Variants in RTEL1 observed in about 807,000 individuals in gnomAD.
RTEL1 encodes the protein regulator of telomere length.
RTEL1 carries 86 observed loss-of-function variants against 162.2 expected under a neutral mutation model. That is an observed-to-expected ratio of 0.53 (90% CI 0.45 to 0.63). The LOEUF (loss-of-function observed/expected upper bound fraction) is 0.63, where lower values mean the gene tolerates loss of function less well. Among genes scored for constraint, RTEL1 ranks in the 30% least tolerant of loss-of-function variants. The pLI, the probability that RTEL1 is intolerant of heterozygous loss-of-function variation, is 0.00. For synonymous variants in RTEL1, 958 were observed against 717.9 expected, an observed-to-expected ratio of 1.33 and a Z score of -5.35; for missense variants, 1,941 against 1,750.2, an observed-to-expected ratio of 1.11 and a Z score of -1.95.
Position 63,690,378 on chromosome 20 carries a change from T to C in RTEL1, c.2350T>C (p.Phe784Leu), listed in dbSNP as rs750968619. The change falls in exon 26 of 35, where the codon TTC (phenylalanine) becomes CTC (leucine). Residue 784 changes from phenylalanine (F) to leucine (L), a missense_variant. Coordinates refer to ENST00000360203, the MANE Select transcript of RTEL1 (RefSeq NM_001283009.2). Reference sequence around the variant, plus strand: ...CGAGGCCAAGTCGCCTGGCCCCTTCTTCTCCACCAGGAAAGCTAAGAGTCT... The same window carrying C: ...CGAGGCCAAGTCGCCTGGCCCCTTCCTCTCCACCAGGAAAGCTAAGAGTCT... ...VSEAKSPGPF[F>L]STRKAKSLDL... 2.5e-6 allele frequency: 4 copies of C among 1,611,642 alleles called. No individual in the cohort carries two copies. In the South Asian group the frequency reaches 4.4e-5, roughly 18 times the overall value.
chr20:63,667,622 T>C, intron 8 of RTEL1, 69 bp downstream of exon 8: 2 of 1,286,348 alleles, frequency 1.6e-6, no homozygotes, highest in Non-Finnish European at 2.3e-6. Context: ...GGAACAGCTG[T>C]CCGAGCCTTT....
intron 10 of RTEL1, 141 bp downstream of exon 10, chr20:63,674,234 G>A: frequency 1.4e-6 from 2 of 1,421,314 alleles, no homozygotes; most frequent in Non-Finnish European, 1.9e-6. Flanking sequence ...CTACTGCAGT[G>A]GGCAGCCTGC....
In RTEL1 at chr20:63,695,591, T is replaced by A. The variant is rs888771629; in HGVS notation, c.3763T>A (p.Phe1255Ile). ...CTGTGGGGCAGAGGACGTGGTGCCC[T>A]TCCAGTGCCCTGCCTGTGACTTCCA... is the stretch of plus-strand genomic sequence containing the variant. ...QGCGAEDVVP[F>I]QCPACDFQRC... The change falls in exon 34 of 35, where the codon TTC becomes ATC. Residue 1255 changes from phenylalanine to isoleucine, a missense_variant. Transcript: ENST00000360203. 1.9e-6 allele frequency: 3 copies of A among 1,611,954 alleles called. No individual in the cohort carries two copies. The highest frequency in any genetic ancestry group is 2.5e-6 in the Non-Finnish European group (3 of 1,179,902).
intron 13 of RTEL1, 138 bp from the exon 14 acceptor site, chr20:63,680,526 G>A (rs1023682644): frequency 1.8e-5 from 15 of 852,768 alleles, no homozygotes; most frequent in Middle Eastern, 3.5e-4. Flanking sequence ...TGGATGCTGC[G>A]CTCCACCCTG....
rs1430456073 is a variant in RTEL1, at chr20:63,688,284, G to A, written c.1637-17G>A. ...GACATCCTGCCCCTGCCTTGACCCC[G>A]GCCCCTGCACTTCCAGGCAACATCG... On this transcript the variant is annotated splice_polypyrimidine_tract_variant and intron_variant, in intron 19 of 34. Transcript: ENST00000360203. The A allele has an allele frequency of 3.1e-6, 5 of 1,611,170 alleles. No homozygotes were observed. Among genetic ancestry groups the A allele is most frequent in the South Asian group, 1.1e-5 (1 of 91,062 alleles).
chr20:63,685,486 A>T (rs2090572025), intron 14 of RTEL1, 37 bp from the exon 15 acceptor site: 1 of 1,603,368 alleles, frequency 6.2e-7, no homozygotes, highest in African/African-American at 1.3e-5. Context: ...GGGTGGCCTC[A>T]GGCTCCTGAC....
chr20:63,695,301 C>G, intron 33 of RTEL1, 27 bp from the exon 34 acceptor site: 1 of 1,581,258 alleles, frequency 6.3e-7, no homozygotes, highest in South Asian at 1.1e-5. Context: ...CCCCAGGCCC[C>G]CCTCAGACTC....
chr20:63,693,618 TCCA>T (rs1568721213), intron 30 of RTEL1, among the ~76,000 whole-genome samples: 223 of 1,890 alleles, frequency 0.12, 2 homozygotes, highest in Non-Finnish European at 0.14. Flanking sequence ...CACCTCCACC[TCCA>T]CCACCACCTC....
chr20:63,674,910 CTTT>C (rs935691389), intron 10 of RTEL1, among the ~76,000 whole-genome samples: 3 of 142,522 alleles, frequency 2.1e-5, no homozygotes, highest in Admixed American at 7.0e-5. Context: ...TATTTTCTTT[CTTT>C]TTTTTTTTTT....
Position 63,661,736 on chromosome 20 carries a change from G to A in RTEL1, c.302-114G>A. The A allele has an allele frequency of 2.0e-6, 2 of 989,698 alleles. No individual in the cohort carries two copies. Among genetic ancestry groups the A allele is most frequent in the East Asian group, 2.5e-5 (1 of 39,762 alleles). The allele number at this position is 989,698 out of a possible 1,614,324, so 61.3% of individuals were successfully genotyped here. ...CCATTTTTGATAAACCAGTATCTGG[G>A]GTGTCAGATTCTTGGCTGTCTGCAG... On this transcript the variant is annotated intron_variant, in intron 3 of 34. Coordinates refer to ENST00000360203, the MANE Select transcript of RTEL1 (RefSeq NM_001283009.2). The surrounding 1 kb of genome is among the most constrained non-coding windows in gnomAD (Gnocchi z 5.1).
Position 63,690,903 on chromosome 20 carries a change from C to G in RTEL1, c.2512C>G (p.Leu838Val), listed in dbSNP as rs996529824. The G allele has an allele frequency of 3.2e-6, 5 of 1,579,708 alleles. No individual in the cohort carries two copies. In the African/African-American group the frequency reaches 4.0e-5, roughly 13 times the overall value. Residue 838 changes from leucine (L) to valine (V), a missense_variant, in exon 27 of 35, where the codon CTG becomes GTG. Leu to Val is a conservative substitution (Grantham distance 32, BLOSUM62 1). Transcript: ENST00000360203. ...RQRPRGLLAA[L>V]EHSEQRAGSP... ...GAGGCCCAGGGGGCTGCTGGCCGCC[C>G]TGGAGCACAGCGAACAGCGGGCGGG...
At chr20:63,671,628 C>T (rs1347911387) in intron 8 of RTEL1, among the ~76,000 whole-genome samples, 3 of 151,092 alleles carry the variant, frequency 2.0e-5, no homozygotes, top group Admixed American at 6.6e-5. Flanking sequence ...ACTACAGGCG[C>T]CCGCCACCAC....
intron 7 of RTEL1, 46 bp from the exon 8 acceptor site, chr20:63,667,423 C>A (rs1359192958): frequency 6.7e-7 from 1 of 1,481,558 alleles, no homozygotes; most frequent in Admixed American, 1.7e-5. Context: ...GGGGCACCGT[C>A]CCCTGCATGG....
chr20:63,674,082 C>A lies in RTEL1; in HGVS notation c.908C>A (p.Ser303Tyr). 1.2e-6 allele frequency: 2 copies of A among 1,610,746 alleles called. No individual in the cohort carries two copies. The highest frequency in any genetic ancestry group is 1.7e-6 in the Non-Finnish European group (2 of 1,178,894). Residue 303 changes from serine to tyrosine, a missense_variant, in exon 10 of 35, where the codon TCC (serine) becomes TAC (tyrosine). Physicochemically the swap from Ser to Tyr is moderately radical, Grantham distance 144 (BLOSUM62 -2). Coordinates refer to ENST00000360203, the MANE Select transcript of RTEL1 (RefSeq NM_001283009.2). ...GEPHPEFSAD[S>Y]PSPGLNMELE... ...CCCCACCCGGAGTTCAGCGCGGACTCCCCCAGCCCAGGTGCGTTCATAGCC... is the reference window on the plus strand; with the variant it reads ...CCCCACCCGGAGTTCAGCGCGGACTACCCCAGCCCAGGTGCGTTCATAGCC...
upstream of RTEL1, chr20:63,658,170 T>G (rs1385272429): frequency 6.6e-6 from 1 of 152,212 alleles, no homozygotes; most frequent in African/African-American, 2.4e-5. Flanking sequence ...GCGATGGAAG[T>G]GAGGTTCACT....
In RTEL1 at chr20:63,694,813, G is replaced by T. The variant is rs1167219600; in HGVS notation, c.3182G>T (p.Ser1061Ile). ...RAGKQGQHAV[S>I]AYLADARRAL... is the part of the protein sequence containing the mutation. ...GGGAAGCAGGGCCAGCACGCCGTGA[G>T]CGCCTACCTGGCTGATGCCCGCAGG... Residue 1061 changes from serine to isoleucine, a missense_variant, in exon 32 of 35, where the codon AGC becomes ATC. By Grantham distance (142) the Ser-to-Ile change is moderately radical (BLOSUM62 -2). Transcript: ENST00000360203. 1.2e-6 allele frequency: 2 copies of T among 1,612,500 alleles called. No homozygotes were observed. The highest frequency in any genetic ancestry group is 3.3e-5 in the Admixed American group (2 of 60,008).
At chr20:63,669,607 C>T (rs538771119) in intron 8 of RTEL1, among the ~76,000 whole-genome samples, 2 of 152,370 alleles carry the variant, frequency 1.3e-5, no homozygotes, top group South Asian at 2.1e-4. Context: ...GCAAACAACC[C>T]ACTTAACCAC....
Position 63,692,963 on chromosome 20 carries a change from C to A in RTEL1, c.2811C>A (p.Pro937=), listed in dbSNP as rs1181105745. ...CCGCCCTGGCCGCCTGTCTCGGCCC[C>A]CTCTTTGCTGAGGACCCCAAGAAGC... The part of the protein sequence containing the change: ...DFAALAACLG[P]LFAEDPKKHN... The change falls in exon 29 of 35, where the codon CCC becomes CCA. Residue 937 remains proline, a synonymous_variant. Transcript: ENST00000360203. 6.2e-7 allele frequency: 1 copy of A among 1,612,662 alleles called. No homozygotes were observed. The highest frequency in any genetic ancestry group is 8.5e-7 in the Non-Finnish European group (1 of 1,179,850).
chr20:63,682,169 G>T, intron 14 of RTEL1: 1 of 985,406 alleles, frequency 1.0e-6, no homozygotes, highest in African/African-American at 1.7e-5. Flanking sequence ...CTGAATCCTA[G>T]AATGTGGCTT....
Sources: gnomAD v4.1 joint callset for allele counts (sites outside exome capture counted in the v4.1 genomes callset) on GRCh38, gnomAD v4.1.1 for gene constraint, Gnocchi (gnomAD v3.1) non-coding constraint, MANE v1.5 for transcripts, NCBI Gene and HGNC (gene_info 2026-07-23, HGNC 2026-07-21) for gene names.